Variants in ASH1L observed in about 807,000 individuals in gnomAD.
ASH1L encodes the protein histone-lysine N-methyltransferase ASH1L.
ASH1L carries 23 observed loss-of-function variants against 269.0 expected under a neutral mutation model. That is an observed-to-expected ratio of 0.09 (90% confidence interval 0.06 to 0.12). The LOEUF is 0.12. Among genes scored for constraint, ASH1L ranks in the 10% least tolerant of loss-of-function variants. The pLI, the probability that ASH1L is intolerant of heterozygous loss-of-function variation, is 1.00. For missense variants in ASH1L, 2,912 were observed against 3,567.8 expected (o/e 0.82, Z 4.68); for synonymous variants, 1,187 against 1,253.5 (o/e 0.95, Z 1.12).
intron 12 of ASH1L, among the ~76,000 whole-genome samples, chr1:155,363,145 G>C (rs1655111338): frequency 6.6e-6 from 1 of 152,054 alleles, no homozygotes; most frequent in African/African-American, 2.4e-5. Context: ...CACCACGCCT[G>C]GCTAATTTTG....
intron 4 of ASH1L, among the ~76,000 whole-genome samples, chr1:155,442,605 C>CA (rs35346996): frequency 0.031 from 4,140 of 131,940 alleles, 69 homozygotes; most frequent in Non-Finnish European, 0.046. Context: ...AAAAAAAAAT[C>CA]AAAAAAAAAA....
intron 1 of ASH1L, among the ~76,000 whole-genome samples, chr1:155,556,080 T>G (rs1671566532): frequency 6.6e-6 from 1 of 152,198 alleles, no homozygotes; most frequent in Admixed American, 6.6e-5. Context: ...GTTTGCAATT[T>G]GCCACATTAA....
At chr1:155,450,032 G>A (rs2148652903) in intron 4 of ASH1L, among the ~76,000 whole-genome samples, 1 of 152,126 alleles carries the variant, frequency 6.6e-6, no homozygotes, top group East Asian at 1.9e-4. Flanking sequence ...AGATATTTTT[G>A]CTGGTTAAAA....
At chr1:155,402,534 G>A (rs1658939201) in intron 6 of ASH1L, among the ~76,000 whole-genome samples, 1 of 152,142 alleles carries the variant, frequency 6.6e-6, no homozygotes, top group Admixed American at 6.6e-5. Flanking sequence ...GTCCAGACAA[G>A]TTATCCATGT....
intron 2 of ASH1L, among the ~76,000 whole-genome samples, chr1:155,496,252 C>T (rs918314955): frequency 6.6e-5 from 10 of 152,128 alleles, no homozygotes; most frequent in Non-Finnish European, 2.9e-5. Flanking sequence ...TAAGTCTACA[C>T]AGGGTCAGGA....
At chr1:155,359,904 GAC>G (rs1654789280) in intron 13 of ASH1L, among the ~76,000 whole-genome samples, 1 of 148,192 alleles carries the variant, frequency 6.7e-6, no homozygotes, top group African/African-American at 2.5e-5. Context: ...TTTTTTTTGA[GAC>G]AGAGTCAGTC....
At chr1:155,543,414 G>A (rs1440309789) in intron 1 of ASH1L, among the ~76,000 whole-genome samples, 1 of 148,530 alleles carries the variant, frequency 6.7e-6, no homozygotes, top group Non-Finnish European at 1.5e-5. Context: ...AGAGGGTGCA[G>A]CAGGAAAATT....
chr1:155,469,369 G>C (rs940139032), intron 3 of ASH1L, among the ~76,000 whole-genome samples: 1 of 152,006 alleles, frequency 6.6e-6, no homozygotes, highest in Non-Finnish European at 1.5e-5. Flanking sequence ...TTTTAGTAGA[G>C]ATGGGGTTTC....
chr1:155,364,127 C>T (rs1655206004), intron 12 of ASH1L, among the ~76,000 whole-genome samples: 1 of 152,036 alleles, frequency 6.6e-6, no homozygotes, highest in Non-Finnish European at 1.5e-5. Context: ...AACTCCATCC[C>T]TATCAAAAAA....
intron 4 of ASH1L, among the ~76,000 whole-genome samples, chr1:155,453,798 C>CA (rs573096027): frequency 1.3e-4 from 19 of 147,880 alleles, no homozygotes; most frequent in East Asian, 1.2e-3. Context: ...GACTGCGTGT[C>CA]AAAAAAAAAG....
chr1:155,494,625 TA>T (rs1179343395), intron 2 of ASH1L, among the ~76,000 whole-genome samples: 24 of 152,224 alleles, frequency 1.6e-4, no homozygotes, highest in Non-Finnish European at 3.1e-4. Flanking sequence ...GATGATCAGC[TA>T]ACATTTTAGT....
intron 7 of ASH1L, among the ~76,000 whole-genome samples, chr1:155,390,192 A>AGAGAC (rs1657801329): frequency 6.8e-6 from 1 of 147,002 alleles, no homozygotes. Flanking sequence ...AGACTCATTA[A>AGAGAC]GAGACTAATA....
At chr1:155,399,472 A>C (rs1212189551) in intron 6 of ASH1L, among the ~76,000 whole-genome samples, 1 of 152,118 alleles carries the variant, frequency 6.6e-6, no homozygotes, top group African/African-American at 2.4e-5. Flanking sequence ...GCTAAACCTT[A>C]TCTCTACTAA....
chr1:155,390,635 C>A (rs575130356), intron 7 of ASH1L, among the ~76,000 whole-genome samples: 17 of 119,642 alleles, frequency 1.4e-4, no homozygotes, highest in East Asian at 2.7e-4. Flanking sequence ...ATCATTCTCC[C>A]CCCCCCCCCT....
In ASH1L at chr1:155,481,605, A is replaced by G; in HGVS notation, c.1265T>C (p.Ile422Thr). ...PLAGLISKDAINLKAEALLPT... is the reference protein window; with the variant it reads ...PLAGLISKDATNLKAEALLPT... Reference sequence around the variant, plus strand: ...GAGCAGTGCTTCGGCTTTAAGGTTTATGGCATCTTTACTGATCAGACCTGC... The same window carrying G: ...GAGCAGTGCTTCGGCTTTAAGGTTTGTGGCATCTTTACTGATCAGACCTGC... Residue 422 changes from isoleucine to threonine, a missense_variant, in exon 3 of 28, where the codon ATA (isoleucine) becomes ACA (threonine). Coordinates refer to ENST00000392403, the MANE Select transcript of ASH1L (RefSeq NM_018489.3). The G allele has an allele frequency of 6.2e-7, 1 of 1,614,144 alleles. No individual in the cohort carries two copies. The highest frequency in any genetic ancestry group is 8.5e-7 in the Non-Finnish European group (1 of 1,180,014).
chr1:155,470,552 CTTT>C (rs112676810), intron 3 of ASH1L, among the ~76,000 whole-genome samples: 1 of 137,490 alleles, frequency 7.3e-6, no homozygotes, highest in East Asian at 2.1e-4. Context: ...CAGAAATTAC[CTTT>C]TTTTTTTTTT....
chr1:155,433,277 C>T (rs773065913), intron 5 of ASH1L: 12 of 1,564,546 alleles, frequency 7.7e-6, no homozygotes, highest in Admixed American at 5.7e-5. Context: ...GGTTGATCCT[C>T]GGACCTGGCT....
chr1:155,432,349 T>G (rs1661673778), intron 5 of ASH1L, among the ~76,000 whole-genome samples: 1 of 152,204 alleles, frequency 6.6e-6, no homozygotes, highest in African/African-American at 2.4e-5. Flanking sequence ...CTCTTATAAC[T>G]CTAAGTAACT....
intron 2 of ASH1L, among the ~76,000 whole-genome samples, chr1:155,513,282 C>T (rs1034258699): frequency 6.6e-6 from 1 of 151,612 alleles, no homozygotes; most frequent in African/African-American, 2.4e-5. Context: ...AATTATAATG[C>T]CCCAGCCAGG....
Sources: allele counts gnomAD v4.1 joint callset (sites outside exome capture counted in the v4.1 genomes callset), GRCh38; gene constraint gnomAD v4.1.1; transcripts MANE v1.5; gene names NCBI Gene and HGNC (gene_info 2026-07-23, HGNC 2026-07-21).